IL1RAPL1: variants seen among roughly 807,000 people sequenced by gnomAD.
IL1RAPL1 encodes the protein interleukin 1 receptor accessory protein like 1.
In IL1RAPL1, 3 loss-of-function variants were observed where a neutral mutation model predicts 48.4. The observed-to-expected ratio is 0.06, with a 90% CI of 0.03 to 0.16. IL1RAPL1 has a LOEUF of 0.16. IL1RAPL1 is among the 10% of genes least tolerant of loss of function. The pLI is 1.00. For synonymous variants in IL1RAPL1, 185 were observed against 187.7 expected (o/e 0.99, Z 0.12); for missense variants, 349 against 530.6 (o/e 0.66, Z 3.36).
intron 6 of IL1RAPL1, among the ~76,000 whole-genome samples, chrX:29,914,377 AT>A (rs1932781770): frequency 8.9e-6 from 1 of 111,916 alleles, no homozygotes; most frequent in South Asian, 3.8e-4. Flanking sequence ...GAGGAGGTCA[AT>A]CGGCCTCTCT....
At chrX:29,158,855 C>T (rs938221665) in intron 2 of IL1RAPL1, among the ~76,000 whole-genome samples, 5 of 109,239 alleles carry the variant, frequency 4.6e-5, no homozygotes, top group Non-Finnish European at 7.6e-5. Flanking sequence ...TAGCACGTTG[C>T]GCTGTCTTTG....
chrX:29,087,178 G>A lies in IL1RAPL1; in HGVS notation c.83-195760G>A, dbSNP rs764562326. On this transcript the variant is annotated intron_variant, in intron 2 of 10. Transcript: ENST00000378993. Reference sequence around the variant, plus strand: ...TTTTGAGACGGAGCCTTGCTCTGTCGCCAGGCTGGAGTGCAGTGGCACAAT... The same window carrying A: ...TTTTGAGACGGAGCCTTGCTCTGTCACCAGGCTGGAGTGCAGTGGCACAAT... Among the ~76,000 whole-genome samples, 768 of 92,685 alleles carry A rather than the reference G, an allele frequency of 8.3e-3. 6 individuals are homozygous for A. The highest frequency in any genetic ancestry group is 0.03 in the African/African-American group (719 of 23,645). The allele number at this position is 92,685 out of a possible 115,157, so 80.5% of individuals were successfully genotyped here. A position where few individuals can be genotyped will look rare whatever the true frequency, so the allele number is the denominator to read the frequency against.
chrX:28,598,262 T>A (rs933963257), intron 1 of IL1RAPL1, among the ~76,000 whole-genome samples: 24 of 112,084 alleles, frequency 2.1e-4, no homozygotes, highest in African/African-American at 7.5e-4. Flanking sequence ...AGCTGGAAAT[T>A]GGAAAGTGAG....
intron 9 of IL1RAPL1, among the ~76,000 whole-genome samples, chrX:29,953,013 A>G (rs969200482): frequency 8.9e-6 from 1 of 112,090 alleles, no homozygotes; most frequent in African/African-American, 3.2e-5. Flanking sequence ...ACACACATGT[A>G]TATATCTCAG....
intron 7 of IL1RAPL1, among the ~76,000 whole-genome samples, chrX:29,918,613 C>T (rs1216952888): frequency 2.7e-5 from 3 of 110,734 alleles, no homozygotes; most frequent in Admixed American, 1.9e-4. Context: ...CATATTTGAG[C>T]CACCAAGTGG....
chrX:28,704,843 A>AAAC (rs1382029342), intron 1 of IL1RAPL1, among the ~76,000 whole-genome samples: 1 of 106,016 alleles, frequency 9.4e-6, no homozygotes, highest in South Asian at 4.1e-4. Flanking sequence ...AAAAAAAAAA[A>AAAC]AAAAAACTGT....
intron 6 of IL1RAPL1, among the ~76,000 whole-genome samples, chrX:29,795,213 T>C (rs1282737224): frequency 4.5e-5 from 5 of 111,877 alleles, no homozygotes; most frequent in African/African-American, 1.3e-4. Context: ...CTAAATCATC[T>C]ATATCTATCT....
intron 6 of IL1RAPL1, among the ~76,000 whole-genome samples, chrX:29,839,669 G>A (rs1463395453): frequency 8.9e-6 from 1 of 112,627 alleles, no homozygotes; most frequent in Non-Finnish European, 1.9e-5. Context: ...GCTCACGCCT[G>A]TAATTCCAGC....
chrX:29,470,656 T>C (rs932074294), intron 5 of IL1RAPL1, among the ~76,000 whole-genome samples: 2 of 111,512 alleles, frequency 1.8e-5, no homozygotes, highest in Middle Eastern at 4.3e-3. Flanking sequence ...ATTTTAGAGA[T>C]AGGGTCTCAC....
At chrX:28,598,061 G>A (rs1212171383) in intron 1 of IL1RAPL1, among the ~76,000 whole-genome samples, 1 of 111,751 alleles carries the variant, frequency 8.9e-6, no homozygotes, top group Non-Finnish European at 1.9e-5. Context: ...AAAGAAAAAA[G>A]GAAAGTGCTT....
intron 2 of IL1RAPL1, among the ~76,000 whole-genome samples, chrX:28,811,910 A>G (rs1191176632): frequency 9.0e-6 from 1 of 110,981 alleles, no homozygotes; most frequent in Non-Finnish European, 1.9e-5. Flanking sequence ...GAAATAACCT[A>G]CTTAAGGTTG....
At chrX:29,567,355 A>G (rs1238818875) in intron 5 of IL1RAPL1, among the ~76,000 whole-genome samples, 1 of 111,783 alleles carries the variant, frequency 8.9e-6, no homozygotes, top group Non-Finnish European at 1.9e-5. Context: ...AAATAAATAA[A>G]TTTTCTGATG....
In IL1RAPL1 at chrX:29,477,038, G is replaced by A. The variant is rs758452064; in HGVS notation, c.703+77730G>A. Among the ~76,000 whole-genome samples, 254 of 106,374 alleles carry A rather than the reference G, an allele frequency of 2.4e-3. 4 individuals are homozygous for A. The highest frequency in any genetic ancestry group is 8.5e-3 in the African/African-American group (242 of 28,622). 92.4% of individuals were successfully genotyped at this position (106,374 alleles called of 115,157 possible). A position where few individuals can be genotyped will look rare whatever the true frequency, so the allele number is the denominator to read the frequency against. ...TGGGACTACAGGCGCCCGCCACCGCGCCCGGCTAATTTTTTGTATTTTTAG... is the reference window on the plus strand; with the variant it reads ...TGGGACTACAGGCGCCCGCCACCGCACCCGGCTAATTTTTTGTATTTTTAG... On this transcript the variant is annotated intron_variant, in intron 5 of 10. Coordinates refer to ENST00000378993, the MANE Select transcript of IL1RAPL1 (RefSeq NM_014271.4).
At chrX:29,206,516 A>G (rs1368703894) in intron 2 of IL1RAPL1, among the ~76,000 whole-genome samples, 1 of 111,776 alleles carries the variant, frequency 8.9e-6, no homozygotes, top group Non-Finnish European at 1.9e-5. Flanking sequence ...ACTTGATTGC[A>G]TACAATTCCA....
chrX:28,656,854 CT>C (rs1053674158), intron 1 of IL1RAPL1, among the ~76,000 whole-genome samples: 3 of 108,734 alleles, frequency 2.8e-5, no homozygotes, highest in South Asian at 8.2e-4. Context: ...GTGAAACCCC[CT>C]CTCTACTAAA....
intron 6 of IL1RAPL1, among the ~76,000 whole-genome samples, chrX:29,855,245 T>C (rs1320046121): frequency 8.9e-6 from 1 of 112,085 alleles, no homozygotes; most frequent in Non-Finnish European, 1.9e-5. Flanking sequence ...TACCCATTAA[T>C]TTCTTAATGA....
intron 2 of IL1RAPL1, among the ~76,000 whole-genome samples, chrX:29,270,257 A>T (rs1166647090): frequency 8.9e-6 from 1 of 111,776 alleles, no homozygotes; most frequent in Non-Finnish European, 1.9e-5. Context: ...GTCTTAGTCA[A>T]ATACCTAGGA....
intron 1 of IL1RAPL1, among the ~76,000 whole-genome samples, chrX:28,599,899 G>A (rs1934001859): frequency 8.9e-6 from 1 of 112,022 alleles, no homozygotes; most frequent in Admixed American, 9.4e-5. Context: ...AGATTTGATG[G>A]TCCTTCAAAA....
chrX:29,912,937 T>C (rs944461397), intron 6 of IL1RAPL1, among the ~76,000 whole-genome samples: 18 of 112,316 alleles, frequency 1.6e-4, no homozygotes, highest in Middle Eastern at 4.6e-3. Context: ...CATGAATTTC[T>C]ATCAAGTCCT....
Sources: gnomAD v4.1 joint callset for allele counts (sites outside exome capture counted in the v4.1 genomes callset) on GRCh38, gnomAD v4.1.1 for gene constraint, MANE v1.5 for transcripts, NCBI Gene and HGNC (gene_info 2026-07-23, HGNC 2026-07-21) for gene names.